Variants in ZNF699 observed in about 807,000 individuals in gnomAD.
ZNF699 encodes hangover homolog.
Under a neutral mutation model 22.5 loss-of-function variants are expected in ZNF699, and 18 were observed. The observed-to-expected ratio is 0.80, with a 90% CI of 0.55 to 1.19. The LOEUF (loss-of-function observed/expected upper bound fraction) is 1.19. Among genes scored for constraint, ZNF699 ranks in the 50% most tolerant of loss-of-function variants. The pLI is 0.00. For missense variants in ZNF699, 670 were observed against 763.4 expected, an observed-to-expected ratio of 0.88 and a Z score of 1.44; for synonymous variants, 241 against 262.3, an observed-to-expected ratio of 0.92 and a Z score of 0.78.
chr19:9,308,072 C>T (rs1406861716), intron 1 of ZNF699, among the ~76,000 whole-genome samples: 1 of 151,272 alleles, frequency 6.6e-6, no homozygotes, highest in Non-Finnish European at 1.5e-5. Flanking sequence ...TAAACAAAAT[C>T]AGAAAAGCTA....
chr19:9,296,046 C>T lies in ZNF699; in HGVS notation c.1358G>A (p.Gly453Glu). 3 of 1,614,120 alleles carry T rather than the reference C, an allele frequency of 1.9e-6. No individual in the cohort carries two copies. The highest frequency in any genetic ancestry group is 2.5e-6 in the Non-Finnish European group (3 of 1,180,008). The change falls in exon 6 of 6, where the codon GGG becomes GAG. Residue 453 changes from glycine to glutamate, a missense_variant. By Grantham distance (98) the Gly-to-Glu change is moderately conservative. Coordinates refer to ENST00000591998, the MANE Select transcript of ZNF699 (RefSeq NM_198535.3). ...GGACGAGGGACAACTAAAGGCCTTC[C>T]CACATTCCTTACATTCATAGGGTTT... ...REKPYECKECGKAFSCPSSFR... is the reference protein window; with the variant it reads ...REKPYECKECEKAFSCPSSFR...
At chr19:9,298,428 A>G (rs1368196130) in intron 3 of ZNF699, among the ~76,000 whole-genome samples, 1 of 149,300 alleles carries the variant, frequency 6.7e-6, no homozygotes, top group Non-Finnish European at 1.5e-5. Flanking sequence ...CCCGGGCGAC[A>G]GAGCGAGACT....
In ZNF699 at chr19:9,296,275, T is replaced by C. The variant is rs778789745; in HGVS notation, c.1129A>G (p.Lys377Glu). Residue 377 changes from lysine to glutamate, a missense_variant, in exon 6 of 6, where the codon AAA becomes GAA. By Grantham distance (56) the Lys-to-Glu change is moderately conservative (BLOSUM62 1). Transcript: ENST00000591998. ...TGTGTCCTCCCATGTACAGTGAGTT[T>C]TGAGGACTCGCTGAAGGCCTTCCCA... is the stretch of plus-strand genomic sequence containing the variant. ...ECGKAFSESS[K>E]LTVHGRTHTG... 5 of 1,612,262 alleles carry C rather than the reference T, an allele frequency of 3.1e-6. No homozygotes were observed. Among genetic ancestry groups the C allele is most frequent in the Non-Finnish European group, 4.2e-6 (5 of 1,179,460 alleles).
At position 9,298,007 on chromosome 19, in the gene ZNF699, G is replaced by A; in HGVS notation, c.176-17C>T. 6.6e-7 allele frequency: 1 copy of A among 1,512,208 alleles called. No homozygotes were observed. Among genetic ancestry groups the A allele is most frequent in the Non-Finnish European group, 9.2e-7 (1 of 1,092,192 alleles). 93.7% of individuals were successfully genotyped at this position (1,512,208 alleles called of 1,614,324 possible). On this transcript the variant is annotated splice_polypyrimidine_tract_variant and intron_variant, in intron 3 of 5. Transcript: ENST00000591998. ...GCGGATACCCTGCACAAGCAGAAAG[G>A]CATATCACGAGGGAAAATAATGAAG...
Position 9,297,163 on chromosome 19 carries a change from C to G in ZNF699, c.470+133G>C. 1 of 983,784 alleles carries G rather than the reference C, an allele frequency of 1.0e-6. No individual in the cohort carries two copies. The highest frequency in any genetic ancestry group is 1.9e-5 in the South Asian group (1 of 53,564). The allele number at this position is 983,784 out of a possible 1,614,324, so 60.9% of individuals were successfully genotyped here. ...CGGTCTCATTTGTGGAAAAAATTAA[C>G]TCATGAAAATTCTTTCTCAAACCAC... On this transcript the variant is annotated intron_variant, in intron 5 of 5. Coordinates refer to ENST00000591998, the MANE Select transcript of ZNF699 (RefSeq NM_198535.3). The surrounding 1 kb of genome is among the most constrained non-coding windows in gnomAD (Gnocchi z 4.3).
chr19:9,306,125 G>C (rs1199714521), intron 1 of ZNF699, among the ~76,000 whole-genome samples: 1 of 150,944 alleles, frequency 6.6e-6, no homozygotes. Flanking sequence ...CAAGCATGGT[G>C]GCTCACGCCT....
In ZNF699 at chr19:9,296,952, A is replaced by C; in HGVS notation, c.471-19T>G. On this transcript the variant is annotated intron_variant, in intron 5 of 5. Transcript: ENST00000591998. ...ATGATTTCTTTTAAAAATAAAAGAC[A>C]CATTATTAGTAATAAATTTCTACCA... 1.3e-6 allele frequency: 2 copies of C among 1,517,946 alleles called. No individual in the cohort carries two copies. Among genetic ancestry groups the C allele is most frequent in the Non-Finnish European group, 1.8e-6 (2 of 1,124,670 alleles). The allele number at this position is 1,517,946 out of a possible 1,614,324, so 94.0% of individuals were successfully genotyped here.
At chr19:9,300,685 C>CT (rs2066303887) in intron 3 of ZNF699, among the ~76,000 whole-genome samples, 1 of 152,142 alleles carries the variant, frequency 6.6e-6, no homozygotes, top group African/African-American at 2.4e-5. Flanking sequence ...AGAAGCCAAT[C>CT]TGAAAAGGCT....
Position 9,295,968 on chromosome 19 carries a change from T to A in ZNF699, c.1436A>T (p.Glu479Val). The change falls in exon 6 of 6, where the codon GAG becomes GTG. Residue 479 changes from glutamate (E) to valine (V), a missense_variant. Glu to Val is a moderately radical substitution (Grantham distance 121). Coordinates refer to ENST00000591998, the MANE Select transcript of ZNF699 (RefSeq NM_198535.3). Reference sequence around the variant, plus strand: ...GGAACGACTAAAGGTCTTCCCACACTCCTTACATTCATACTGTATCTTTCC... The same window carrying A: ...GGAACGACTAAAGGTCTTCCCACACACCTTACATTCATACTGTATCTTTCC... ...HTGKIQYECKECGKTFSRSSS... is the reference protein window; with the variant it reads ...HTGKIQYECKVCGKTFSRSSS... 1 of 1,614,180 alleles carries A rather than the reference T, an allele frequency of 6.2e-7. No homozygotes were observed. The highest frequency in any genetic ancestry group is 1.1e-5 in the South Asian group (1 of 91,086).
At chr19:9,299,795 G>A (rs1008517441) in intron 3 of ZNF699, among the ~76,000 whole-genome samples, 1 of 150,360 alleles carries the variant, frequency 6.7e-6, no homozygotes, top group African/African-American at 2.4e-5. Flanking sequence ...AATATACAAA[G>A]ACTGTAGCAG....
chr19:9,295,706 T>C lies in ZNF699; in HGVS notation c.1698A>G (p.Lys566=), dbSNP rs2066282261. Residue 566 remains lysine (K), a synonymous_variant, in exon 6 of 6, where the codon AAA becomes AAG. Transcript: ENST00000591998. ...EKPYECKECG[K]AFRHSSYLTV... ...TAAGGTATGAAGAATGACGAAATGCTTTCCCACATTCCTTACATTCATAGG... is the reference window on the plus strand; with the variant it reads ...TAAGGTATGAAGAATGACGAAATGCCTTCCCACATTCCTTACATTCATAGG... 1 of 1,614,086 alleles carries C rather than the reference T, an allele frequency of 6.2e-7. No homozygotes were observed. The highest frequency in any genetic ancestry group is 1.3e-5 in the African/African-American group (1 of 74,988).
intron 1 of ZNF699, among the ~76,000 whole-genome samples, chr19:9,307,933 C>A: frequency 1.4e-5 from 2 of 141,322 alleles, no homozygotes; most frequent in South Asian, 2.2e-4. Flanking sequence ...GGAGACACAG[C>A]GAGACTCTGT....
intron 1 of ZNF699, among the ~76,000 whole-genome samples, chr19:9,306,354 T>C (rs1055204723): frequency 4.0e-5 from 6 of 151,212 alleles, no homozygotes; most frequent in Non-Finnish European, 7.4e-5. Context: ...ATTGCGCCAC[T>C]GTACTCCAGC....
intron 1 of ZNF699, among the ~76,000 whole-genome samples, chr19:9,308,699 G>C (rs556487888): frequency 6.6e-6 from 1 of 152,272 alleles, no homozygotes; most frequent in Non-Finnish European, 1.5e-5. Flanking sequence ...ATGGTGAAAT[G>C]ATAGAATAAT....
chr19:9,296,307 T>C lies in ZNF699; in HGVS notation c.1097A>G (p.Lys366Arg). 6.2e-7 allele frequency: 1 copy of C among 1,613,826 alleles called. No individual in the cohort carries two copies. The highest frequency in any genetic ancestry group is 8.5e-7 in the Non-Finnish European group (1 of 1,179,954). The change falls in exon 6 of 6, where the codon AAA becomes AGA. Residue 366 changes from lysine (K) to arginine (R), a missense_variant. Coordinates refer to ENST00000591998, the MANE Select transcript of ZNF699 (RefSeq NM_198535.3). ...CTCGCTGAAGGCCTTCCCACACTCT[T>C]TACATTCATAAGGCTTCTCTCCAGT... is the stretch of plus-strand genomic sequence containing the variant. Reference protein sequence around the residue: ...IHTGEKPYECKECGKAFSESS... With the variant: ...IHTGEKPYECRECGKAFSESS...
chr19:9,299,976 T>A (rs2066301439), intron 3 of ZNF699, among the ~76,000 whole-genome samples: 1 of 151,848 alleles, frequency 6.6e-6, no homozygotes, highest in South Asian at 2.1e-4. Context: ...TCATAAGTCA[T>A]CAGGGAAATG....
In ZNF699 at chr19:9,296,201, A is replaced by C. The variant is rs1380804599; in HGVS notation, c.1203T>G (p.Asn401Lys). Residue 401 changes from asparagine (N) to lysine (K), a missense_variant, in exon 6 of 6, where the codon AAT (asparagine) becomes AAG (lysine). By Grantham distance (94) the Asn-to-Lys change is moderately conservative. Transcript: ENST00000591998. ...TATGGATACTTAAGGAGGAGGGACA[A>C]TTGTAGGCTTTCCCACATTCCTTAC... ...YKCKECGKAY[N>K]CPSSLSIHMR... 1.2e-6 allele frequency: 2 copies of C among 1,613,968 alleles called. No homozygotes were observed. Among genetic ancestry groups the C allele is most frequent in the South Asian group, 2.2e-5 (2 of 91,070 alleles).
Position 9,305,078 on chromosome 19 carries a change from T to C in ZNF699, c.42A>G (p.Arg14=), listed in dbSNP as rs73504761. ...ATTATCACCTTTTACTTACCTGTATTCTATTTTTCTGTAACTCAGCAGTTT... is the reference window on the plus strand; with the variant it reads ...ATTATCACCTTTTACTTACCTGTATCCTATTTTTCTGTAACTCAGCAGTTT... ...ERKTAELQKN[R]IQDSVVFEDV... is the part of the protein sequence containing the mutation. Residue 14 remains arginine, a synonymous_variant, in exon 2 of 6, where the codon AGA becomes AGG. Coordinates refer to ENST00000591998, the MANE Select transcript of ZNF699 (RefSeq NM_198535.3). 8.9e-3 allele frequency: 14,371 copies of C among 1,612,940 alleles called. 751 individuals carry two copies. The African/African-American group carries it at 0.14, about 15-fold the overall frequency.
chr19:9,299,866 A>G (rs1480419656), intron 3 of ZNF699, among the ~76,000 whole-genome samples: 1 of 57,478 alleles, frequency 1.7e-5, no homozygotes, highest in African/African-American at 3.8e-5. Context: ...AACAATGTTT[A>G]AAAAAAAAAA....
Sources: gnomAD v4.1 joint callset for allele counts (sites outside exome capture counted in the v4.1 genomes callset) on GRCh38, gnomAD v4.1.1 for gene constraint, Gnocchi (gnomAD v3.1) non-coding constraint, MANE v1.5 for transcripts, NCBI Gene and HGNC (gene_info 2026-07-23, HGNC 2026-07-21) for gene names.